Variants in MFN1 observed in about 807,000 individuals in gnomAD.
MFN1 encodes the protein mitofusin 1.
A neutral mutation model predicts 92.4 loss-of-function variants in MFN1; 65 were observed. The ratio of observed to expected loss-of-function variants is 0.70; its 90% CI spans 0.58 to 0.86. The LOEUF is 0.86. MFN1 is among the 40% of genes least tolerant of loss of function. MFN1 has a pLI of 0.00. For missense variants in MFN1, 781 were observed against 868.0 expected (o/e 0.90, Z 1.26); for synonymous variants, 297 against 300.9 (o/e 0.99, Z 0.13).
chr3:179,348,700 A>G, intron 1 of MFN1, 145 bp from the exon 2 acceptor site: 1 of 1,263,836 alleles, frequency 7.9e-7, no homozygotes, highest in Non-Finnish European at 1.1e-6. Context: ...TCTGACTAGA[A>G]CACTCCCAAA....
At chr3:179,360,558 A>T (rs9852174) in intron 4 of MFN1, among the ~76,000 whole-genome samples, 17,111 of 152,074 alleles carry the variant, frequency 0.11, 3,173 homozygotes, top group African/African-American at 0.39. Context: ...CCAAAAAAAA[A>T]AAAAAATAAA....
Position 179,390,081 on chromosome 3 carries a change from G to C in MFN1, c.2090G>C (p.Arg697Thr). ...AAACAGCTGGAAGAAGAAATTGCTA[G>C]ATTACCCAAAGAAATAGATCAGTTG... ...TQKQLEEEIA[R>T]LPKEIDQLEK... The change falls in exon 17 of 18, where the codon AGA (arginine) becomes ACA (threonine). Residue 697 changes from arginine (R) to threonine (T), a missense_variant. Transcript: ENST00000471841. 1.9e-6 allele frequency: 3 copies of C among 1,606,678 alleles called. No homozygotes were observed. Among genetic ancestry groups the C allele is most frequent in the Non-Finnish European group, 2.5e-6 (3 of 1,177,832 alleles).
chr3:179,378,451 TTA>T lies in MFN1; in HGVS notation c.1432+10_1432+11del, dbSNP rs1458421143. The T allele has an allele frequency of 1.3e-6, 2 of 1,585,356 alleles. No homozygotes were observed. The highest frequency in any genetic ancestry group is 3.8e-5 in the Admixed American group (2 of 52,754). On this transcript the variant is annotated intron_variant, in intron 13 of 17. Coordinates refer to ENST00000471841, the MANE Select transcript of MFN1 (RefSeq NM_033540.3). ...CCCAGCAAGAAATTATTGGTAATAT[TTA>T]TGTCTACAAGGTCATGTCTGGTTTG...
At chr3:179,383,984 T>C (rs1713574975) in intron 14 of MFN1, among the ~76,000 whole-genome samples, 1 of 152,230 alleles carries the variant, frequency 6.6e-6, no homozygotes, top group South Asian at 2.1e-4. Flanking sequence ...TAGTCAATTA[T>C]GATTTCCACC....
chr3:179,376,736 C>T (rs6785443), intron 10 of MFN1, among the ~76,000 whole-genome samples: 9,229 of 152,174 alleles, frequency 0.061, 916 homozygotes, highest in African/African-American at 0.2. Context: ...TATGCTGACC[C>T]CTGCTTATTA....
rs1177896580 is a variant in MFN1 at position 179,394,596 on chromosome 3, T to C, written c.*2537T>C. On this transcript the variant is annotated 3_prime_UTR_variant, in exon 18 of 18. Coordinates refer to ENST00000471841, the MANE Select transcript of MFN1 (RefSeq NM_033540.3). ...ACGCCCGGCTAATTTTTTGTATTTT[T>C]AGTAGAGACGGGGTTTCACCGTGTT... 2.0e-5 allele frequency: 3 copies of C among 151,682 alleles called. No homozygotes were observed. The highest frequency in any genetic ancestry group is 4.4e-5 in the Non-Finnish European group (3 of 67,912). The allele number at this position is 151,682 out of a possible 1,614,324, so 9.4% of individuals were successfully genotyped here.
At position 179,355,012 on chromosome 3, in the gene MFN1, G is replaced by T. The variant is rs554568899; in HGVS notation, c.248+2977G>T. On this transcript the variant is annotated intron_variant, in intron 3 of 17. Coordinates refer to ENST00000471841, the MANE Select transcript of MFN1 (RefSeq NM_033540.3). ...GGATTTCACCATGTTGGCCAGCCTG[G>T]TCTCGAACTCCTGACCTCAGGCCAT... Among the ~76,000 whole-genome samples the T allele has an allele frequency of 2.0e-5, 3 of 152,172 alleles. No individual in the cohort carries two copies. In the South Asian group the frequency reaches 6.2e-4, roughly 32 times the overall value.
At chr3:179,379,833 A>C (rs548609296) in intron 14 of MFN1, among the ~76,000 whole-genome samples, 10 of 152,330 alleles carry the variant, frequency 6.6e-5, no homozygotes, top group African/African-American at 2.4e-4. Flanking sequence ...TATATGACCT[A>C]AAAGAAAGAA....
At position 179,365,237 on chromosome 3, in the gene MFN1, T is replaced by A. The variant is rs77908897; in HGVS notation, c.753+12T>A. On this transcript the variant is annotated intron_variant, in intron 7 of 17. Transcript: ENST00000471841. ...AATATATGGAAGACGTAAGTTGTTA[T>A]TTTTTTTTTTGTAGGTTTTGAAATA... 1 of 777,790 alleles carries A rather than the reference T, an allele frequency of 1.3e-6. No homozygotes were observed. The highest frequency in any genetic ancestry group is 3.7e-5 in the Admixed American group (1 of 26,736). The allele number at this position is 777,790 out of a possible 1,614,324, so 48.2% of individuals were successfully genotyped here.
intron 14 of MFN1, among the ~76,000 whole-genome samples, chr3:179,380,586 C>T (rs1389652961): frequency 6.6e-6 from 1 of 152,198 alleles, no homozygotes; most frequent in Non-Finnish European, 1.5e-5. Flanking sequence ...TATTCCTTGA[C>T]AACTATTCTG....
chr3:179,369,022 A>G (rs1712914995), intron 9 of MFN1, among the ~76,000 whole-genome samples: 1 of 152,226 alleles, frequency 6.6e-6, no homozygotes, highest in Non-Finnish European at 1.5e-5. Context: ...ACAGATGAAG[A>G]CAAACTGGAA....
chr3:179,377,297 G>A (rs764402774), intron 11 of MFN1, 47 bp from the exon 12 acceptor site: 1 of 1,525,652 alleles, frequency 6.6e-7, no homozygotes, highest in South Asian at 1.2e-5. Context: ...TTGAATAATT[G>A]ATAATCTTGT....
chr3:179,374,227 T>A (rs1454412770), intron 9 of MFN1, among the ~76,000 whole-genome samples: 1 of 150,364 alleles, frequency 6.7e-6, no homozygotes, highest in African/African-American at 2.4e-5. Context: ...CACTTGAACC[T>A]AGGCGGTGGA....
chr3:179,358,847 A>G lies in MFN1; in HGVS notation c.256A>G (p.Ser86Gly). ...MKVAFFGRTSSGKSSVINAML... is the reference protein window; with the variant it reads ...MKVAFFGRTSGGKSSVINAML... The stretch of plus-strand genomic sequence containing the variant: ...ATTTTGTATATTCTTCAGGACAAGC[A>G]GTGGGAAGAGCTCTGTTATCAATGC... The change falls in exon 4 of 18, where the codon AGT becomes GGT. Residue 86 changes from serine (S) to glycine (G), a missense_variant. By Grantham distance (56) the Ser-to-Gly change is moderately conservative. Coordinates refer to ENST00000471841, the MANE Select transcript of MFN1 (RefSeq NM_033540.3). 6.2e-7 allele frequency: 1 copy of G among 1,611,244 alleles called. No homozygotes were observed. Among genetic ancestry groups the G allele is most frequent in the Non-Finnish European group, 8.5e-7 (1 of 1,179,008 alleles).
At chr3:179,356,606 G>T (rs770277254) in intron 3 of MFN1, among the ~76,000 whole-genome samples, 12 of 152,242 alleles carry the variant, frequency 7.9e-5, no homozygotes, top group Middle Eastern at 3.4e-3. Context: ...GATTTTGATA[G>T]TAGAGGAGAA....
rs114307349 is a variant in MFN1 at position 179,358,894 on chromosome 3, C to T, written c.303C>T (p.Leu101=). The T allele has an allele frequency of 2.4e-4, 381 of 1,613,990 alleles. No homozygotes were observed. The African/African-American group carries it at 4.4e-3, about 19-fold the overall frequency. ...ATGCAATGTTGTGGGATAAAGTTCT[C>T]CCTAGTGGGATTGGCCATATAACCA... ...VINAMLWDKV[L]PSGIGHITNC... is the part of the protein sequence containing the mutation. Residue 101 remains leucine, a synonymous_variant, in exon 4 of 18, where the codon CTC becomes CTT. Transcript: ENST00000471841.
At chr3:179,388,291 T>C (rs114133585) in intron 16 of MFN1, among the ~76,000 whole-genome samples, 1,869 of 152,320 alleles carry the variant, frequency 0.012, 34 homozygotes, top group African/African-American at 0.042. Context: ...ACAAATGAAC[T>C]TAATGGTAGG....
intron 6 of MFN1, 64 bp downstream of exon 6, chr3:179,364,469 T>C: frequency 7.8e-7 from 1 of 1,283,964 alleles, no homozygotes. Flanking sequence ...GTTTTAATTC[T>C]GAAAAGCAAG....
chr3:179,377,321 C>A, intron 11 of MFN1, 23 bp from the exon 12 acceptor site: 1 of 1,560,528 alleles, frequency 6.4e-7, no homozygotes, highest in Admixed American at 1.9e-5. Flanking sequence ...ATTATTTTAA[C>A]TCCAAAATTT....
Sources: allele counts gnomAD v4.1 joint callset (sites outside exome capture counted in the v4.1 genomes callset), GRCh38; gene constraint gnomAD v4.1.1; transcripts MANE v1.5; gene names NCBI Gene and HGNC (gene_info 2026-07-23, HGNC 2026-07-21).